RP1: variants seen among roughly 807,000 people sequenced by gnomAD.
RP1 encodes the protein RP1 axonemal microtubule associated.
In RP1, 16 loss-of-function variants were observed where a neutral mutation model predicts 14.8. The observed-to-expected ratio is 1.08, with a 90% CI of 0.73 to 1.65. RP1 has a LOEUF of 1.65. Ranked by LOEUF, RP1 falls within the 40% of genes most tolerant of loss-of-function variation. The pLI is 0.00. For synonymous variants in RP1, 876 were observed against 883.6 expected (o/e 0.99, Z 0.15); for missense variants, 2,631 against 2,535.0 (o/e 1.04, Z -0.81).
rs137853908 is a variant in RP1, at chr8:54,629,937, G to A, written c.6055G>A (p.Gly2019Ser). ...RINFLGLEEE[G>S]NLKKFQPDLK... ...TAACTTCTTGGGGTTAGAGGAAGAA[G>A]GTAATTTAAAGAAATTTCAACCAGA... Residue 2019 changes from glycine (G) to serine (S), a missense_variant, in exon 4 of 4, where the codon GGT becomes AGT. Transcript: ENST00000220676. The A allele has an allele frequency of 2.9e-4, 464 of 1,613,898 alleles. 1 individual carries two copies. The highest frequency in any genetic ancestry group is 3.5e-4 in the Non-Finnish European group (409 of 1,179,926).
Position 54,802,386 on chromosome 8 carries a change from C to T in RP1, c.3615+18676C>T, listed in dbSNP as rs1265341828. ...TAAAAGACTGTTTAATCATGGCATT[C>T]AATAGAAAATGTTAAGCATTTGAGA... On this transcript the variant is annotated intron_variant, in intron 24 of 28. Transcript: ENST00000637698. 4.6e-5 allele frequency among the ~76,000 whole-genome samples: 7 copies of T among 152,088 alleles called. No homozygotes were observed. The East Asian group carries it at 1.4e-3, about 29-fold the overall frequency.
chr8:54,576,595 G>C (rs1453619704), intron 1 of RP1, among the ~76,000 whole-genome samples: 2 of 152,208 alleles, frequency 1.3e-5, no homozygotes, highest in African/African-American at 4.8e-5. Context: ...AGAGATCCTA[G>C]CCTGTGGGTT....
At chr8:54,820,506 G>T (rs1811229740) in intron 24 of RP1, among the ~76,000 whole-genome samples, 1 of 152,092 alleles carries the variant, frequency 6.6e-6, no homozygotes, top group Non-Finnish European at 1.5e-5. Flanking sequence ...TGCTCTAAAT[G>T]CTCCCTTCAT....
intron 12 of RP1, among the ~76,000 whole-genome samples, chr8:54,698,505 A>G (rs945323600): frequency 7.9e-5 from 12 of 152,232 alleles, no homozygotes; most frequent in African/African-American, 2.9e-4. Context: ...TAGAACTAGA[A>G]ATACCATTTG....
At chr8:54,776,188 T>C (rs900740781) in intron 23 of RP1, among the ~76,000 whole-genome samples, 2 of 152,108 alleles carry the variant, frequency 1.3e-5, no homozygotes, top group Non-Finnish European at 2.9e-5. Context: ...TGCCATTTTG[T>C]TGTTGTTTTT....
intron 1 of RP1, among the ~76,000 whole-genome samples, chr8:54,601,097 C>T (rs2129304653): frequency 6.6e-6 from 1 of 152,242 alleles, no homozygotes; most frequent in African/African-American, 2.4e-5. Flanking sequence ...TTTCGTTTTG[C>T]CATTCTGCCT....
At chr8:54,773,691 G>A (rs188173371), downstream of RP1, among the ~76,000 whole-genome samples, 1 of 152,262 alleles carries the variant, frequency 6.6e-6, no homozygotes, top group Admixed American at 6.5e-5. Context: ...GCTCAGAAGT[G>A]TAAGAACCTT....
intron 10 of RP1, chr8:54,679,503 A>G (rs748869762): frequency 2.0e-6 from 3 of 1,535,878 alleles, no homozygotes; most frequent in Non-Finnish European, 2.6e-6. Flanking sequence ...GCGAGTAGGT[A>G]TCATGTATAC....
At chr8:54,607,183 C>A (rs977956874) in intron 1 of RP1, among the ~76,000 whole-genome samples, 1 of 151,950 alleles carries the variant, frequency 6.6e-6, no homozygotes, top group Admixed American at 6.6e-5. Context: ...TTTTATCTAC[C>A]TTTGGTGTTT....
At chr8:54,611,050 A>G (rs1464362962) in intron 1 of RP1, among the ~76,000 whole-genome samples, 1 of 152,180 alleles carries the variant, frequency 6.6e-6, no homozygotes, top group Admixed American at 6.5e-5. Flanking sequence ...AGCACTTTGA[A>G]TATATCATAC....
intron 24 of RP1, among the ~76,000 whole-genome samples, chr8:54,820,036 C>T (rs1486200626): frequency 6.6e-6 from 1 of 152,136 alleles, no homozygotes; most frequent in Non-Finnish European, 1.5e-5. Context: ...ACTGGTCTAT[C>T]CCTTCAGGGC....
At chr8:54,725,512 TAA>T (rs1563358612) in intron 16 of RP1, among the ~76,000 whole-genome samples, 1 of 152,206 alleles carries the variant, frequency 6.6e-6, no homozygotes, top group Non-Finnish European at 1.5e-5. Context: ...CTCTGTGTGA[TAA>T]GTGTCGCTAA....
rs1807660815 is a variant in RP1 at position 54,689,615 on chromosome 8, C to G, written c.1717+9682C>G. On this transcript the variant is annotated intron_variant, in intron 12 of 22. Transcript: ENST00000636932. Reference sequence around the variant, plus strand: ...CAGTGTTGCATGAGTCTCAGACTCACTACACTCTTGCCATTAAAGTAGAAA... The same window carrying G: ...CAGTGTTGCATGAGTCTCAGACTCAGTACACTCTTGCCATTAAAGTAGAAA... Among the ~76,000 whole-genome samples the G allele has an allele frequency of 2.0e-5, 3 of 152,070 alleles. No homozygotes were observed. The South Asian group carries it at 6.2e-4, about 31-fold the overall frequency.
chr8:54,804,671 C>G (rs114724266), intron 24 of RP1, among the ~76,000 whole-genome samples: 1 of 152,058 alleles, frequency 6.6e-6, no homozygotes, highest in Non-Finnish European at 1.5e-5. Context: ...AAAGATACTT[C>G]GTAATGTTAA....
Position 54,625,972 on chromosome 8 carries a change from A to T in RP1, c.2090A>T (p.Asn697Ile), listed in dbSNP as rs745553501. ...CAGCTTGCAACCAAAGGAATTCTTA[A>T]TAAGAATGAGAGAATAAACACAAAA... is the stretch of plus-strand genomic sequence containing the variant. ...DGQLATKGIL[N>I]KNERINTKGR... Residue 697 changes from asparagine (N) to isoleucine (I), a missense_variant, in exon 4 of 4, where the codon AAT becomes ATT. Asn to Ile is a moderately radical substitution (Grantham distance 149, BLOSUM62 -3). Transcript: ENST00000220676. The T allele has an allele frequency of 5.6e-6, 9 of 1,613,800 alleles. No homozygotes were observed. In the Admixed American group the frequency reaches 1.3e-4, roughly 24 times the overall value.
chr8:54,808,991 A>G (rs1457208707), intron 24 of RP1, among the ~76,000 whole-genome samples: 1 of 152,256 alleles, frequency 6.6e-6, no homozygotes, highest in Non-Finnish European at 1.5e-5. Context: ...AAGATAAGCT[A>G]CCAATGAAGC....
chr8:54,596,776 T>C (rs1328194158), intron 1 of RP1, among the ~76,000 whole-genome samples: 1 of 152,240 alleles, frequency 6.6e-6, no homozygotes, highest in African/African-American at 2.4e-5. Flanking sequence ...CGATACATTA[T>C]TCATTTAAAG....
chr8:54,578,492 G>A (rs1184199466), intron 1 of RP1, among the ~76,000 whole-genome samples: 1 of 152,134 alleles, frequency 6.6e-6, no homozygotes, highest in Non-Finnish European at 1.5e-5. Context: ...ATAGGTGTGA[G>A]CCACTGCACC....
chr8:54,622,317 A>G, intron 3 of RP1, 29 bp downstream of exon 3: 2 of 1,610,512 alleles, frequency 1.2e-6, no homozygotes, highest in Non-Finnish European at 1.7e-6. Flanking sequence ...TATAGCCCAT[A>G]TTTTTAGCCC....
Sources: allele counts gnomAD v4.1 joint callset (sites outside exome capture counted in the v4.1 genomes callset), GRCh38; gene constraint gnomAD v4.1.1; transcripts MANE v1.5; gene names NCBI Gene and HGNC (gene_info 2026-07-23, HGNC 2026-07-21).